Variants in NOCT observed in about 807,000 individuals in gnomAD.
NOCT encodes nocturnin, also known as CCR4 carbon catabolite repression 4-like.
A neutral mutation model predicts 35.0 loss-of-function variants in NOCT; 18 were observed. The ratio of observed to expected loss-of-function variants is 0.51; its 90% CI spans 0.36 to 0.76. NOCT has a LOEUF of 0.76. NOCT is among the 30% of genes least tolerant of loss of function. NOCT has a pLI of 0.01. For synonymous variants in NOCT, 235 were observed against 226.3 expected (o/e 1.04, Z -0.34); for missense variants, 479 against 541.0 (o/e 0.89, Z 1.14).
chr4:139,019,120 A>C (rs1192536856), intron 1 of NOCT, among the ~76,000 whole-genome samples: 1 of 152,072 alleles, frequency 6.6e-6, no homozygotes, highest in East Asian at 1.9e-4. Context: ...TAGTGGCGCC[A>C]CCTCTGCTCA....
intron 1 of NOCT, among the ~76,000 whole-genome samples, chr4:139,027,645 G>A (rs1403676772): frequency 2.6e-5 from 4 of 151,882 alleles, no homozygotes; most frequent in African/African-American, 9.7e-5. Flanking sequence ...GACTACAGGC[G>A]CCCACCACTA....
intron 1 of NOCT, among the ~76,000 whole-genome samples, chr4:139,024,975 AGG>A (rs1377349455): frequency 6.6e-6 from 1 of 152,164 alleles, no homozygotes; most frequent in African/African-American, 2.4e-5. Flanking sequence ...AATGCGTGAG[AGG>A]GAGCAGGCTG....
chr4:139,029,579 G>GTAATACCTTCTTAA (rs1220410910), intron 1 of NOCT, among the ~76,000 whole-genome samples: 2 of 152,220 alleles, frequency 1.3e-5, no homozygotes, highest in Non-Finnish European at 2.9e-5. Context: ...CTGCCAGAAA[G>GTAATACCTTCTTAA]TAATACCTTC....
Position 139,044,970 on chromosome 4 carries a change from G to A in NOCT, c.792G>A (p.Gln264=), listed in dbSNP as rs772522544. 3.7e-5 allele frequency: 59 copies of A among 1,614,062 alleles called. No homozygotes were observed. Among genetic ancestry groups the A allele is most frequent in the Middle Eastern group, 3.3e-4 (2 of 6,082 alleles). The change falls in exon 3 of 3, where the codon CAG becomes CAA. Residue 264 remains glutamine, a synonymous_variant. Transcript: ENST00000280614. ...CAGCCATGACATTGAAAACCAACCAGGTGGCCATTGCACAGACCCTGGAGT... is the reference window on the plus strand; with the variant it reads ...CAGCCATGACATTGAAAACCAACCAAGTGGCCATTGCACAGACCCTGGAGT... ...RLTAMTLKTN[Q]VAIAQTLECK...
At chr4:139,020,501 G>T in intron 1 of NOCT, among the ~76,000 whole-genome samples, 1 of 152,292 alleles carries the variant, frequency 6.6e-6, no homozygotes, top group South Asian at 2.1e-4. Flanking sequence ...GGTGGCGCTC[G>T]CATGCAGGAG....
At chr4:139,033,678 C>CAAAAAAAA (rs761210940) in intron 1 of NOCT, among the ~76,000 whole-genome samples, 1 of 129,384 alleles carries the variant, frequency 7.7e-6, no homozygotes. Context: ...ACCCTGTCTC[C>CAAAAAAAA]AAAAAAAAAA....
In NOCT at chr4:139,045,607, C is replaced by T. The variant is rs2148648543; in HGVS notation, c.*133C>T. 1 of 560,608 alleles carries T rather than the reference C, an allele frequency of 1.8e-6. No individual in the cohort carries two copies. The highest frequency in any genetic ancestry group is 3.0e-6 in the Non-Finnish European group (1 of 330,014). 34.7% of individuals were successfully genotyped at this position (560,608 alleles called of 1,614,324 possible). On this transcript the variant is annotated 3_prime_UTR_variant, in exon 3 of 3. Transcript: ENST00000280614. The stretch of plus-strand genomic sequence containing the variant: ...TCTCGGCTCACTGCAAGATCCGCCT[C>T]CCGGGTTCATGGCATTCTCCTGCCT...
At chr4:139,036,200 T>C (rs1726735637) in intron 1 of NOCT, among the ~76,000 whole-genome samples, 1 of 152,182 alleles carries the variant, frequency 6.6e-6, no homozygotes, top group African/African-American at 2.4e-5. Context: ...CAGTGATGTA[T>C]CTCCAGGGTA....
intron 1 of NOCT, among the ~76,000 whole-genome samples, chr4:139,023,944 A>T (rs1363782583): frequency 6.6e-6 from 1 of 152,060 alleles, no homozygotes; most frequent in Non-Finnish European, 1.5e-5. Flanking sequence ...AGCACATTAA[A>T]AGTTTGTATC....
chr4:139,040,181 C>T (rs1470985449), intron 1 of NOCT, among the ~76,000 whole-genome samples: 9 of 147,434 alleles, frequency 6.1e-5, no homozygotes, highest in Non-Finnish European at 8.9e-5. Flanking sequence ...TACAGGCGCC[C>T]GCCACCATGC....
intron 1 of NOCT, among the ~76,000 whole-genome samples, chr4:139,041,871 A>G (rs1291586404): frequency 6.6e-6 from 1 of 152,168 alleles, no homozygotes; most frequent in African/African-American, 2.4e-5. Flanking sequence ...GTTCTACTAC[A>G]GAAAGCCCAA....
chr4:139,023,332 C>A (rs1225920727), intron 1 of NOCT, among the ~76,000 whole-genome samples: 1 of 152,162 alleles, frequency 6.6e-6, no homozygotes, highest in African/African-American at 2.4e-5. Context: ...GTAAGTTACA[C>A]TGCAGATTCT....
chr4:139,020,476 C>A (rs924918873), intron 1 of NOCT, among the ~76,000 whole-genome samples: 2 of 152,152 alleles, frequency 1.3e-5, no homozygotes, highest in African/African-American at 4.8e-5. Flanking sequence ...ACCACACACA[C>A]AATGCCTGGA....
rs578144880 is a variant in NOCT, at chr4:139,040,994, G to A, written c.191-2080G>A. On this transcript the variant is annotated intron_variant, in intron 1 of 2. Coordinates refer to ENST00000280614, the MANE Select transcript of NOCT (RefSeq NM_012118.4). ...TCTTCCTTTGGACCCATGTACTCAT[G>A]TATTTATCAATTAAAATGAAATTAT... is the stretch of plus-strand genomic sequence containing the variant. 5.9e-5 allele frequency among the ~76,000 whole-genome samples: 9 copies of A among 152,240 alleles called. No individual in the cohort carries two copies. The South Asian group carries it at 1.0e-3, about 18-fold the overall frequency.
intron 1 of NOCT, 124 bp from the exon 2 acceptor site, chr4:139,042,946 TTATA>T (rs1447632940): frequency 1.1e-5 from 9 of 794,698 alleles, no homozygotes; most frequent in Non-Finnish European, 1.6e-5. Flanking sequence ...AGAAATGGCT[TTATA>T]CACTATTATG....
At chr4:139,016,641 GTTTTTTTTTTTTTT>G (rs10541748) in intron 1 of NOCT, among the ~76,000 whole-genome samples, 3 of 53,786 alleles carry the variant, frequency 5.6e-5, no homozygotes, top group African/African-American at 7.6e-5. Flanking sequence ...GTTTTACGTT[GTTTTTTTTTTTTTT>G]TTTTTTTTTT....
At chr4:139,023,906 G>A (rs574555201) in intron 1 of NOCT, among the ~76,000 whole-genome samples, 4 of 152,274 alleles carry the variant, frequency 2.6e-5, no homozygotes, top group Non-Finnish European at 5.9e-5. Flanking sequence ...AGCATCTGAT[G>A]CGCCCATCCA....
At chr4:139,024,162 G>A (rs1726473575) in intron 1 of NOCT, among the ~76,000 whole-genome samples, 1 of 150,616 alleles carries the variant, frequency 6.6e-6, no homozygotes, top group Admixed American at 6.7e-5. Context: ...CTGGGCTGAA[G>A]TGATCCTCCC....
Position 139,044,716 on chromosome 4 carries a change from C to T in NOCT, c.538C>T (p.Leu180=). ...LKWEERKCLI[L]EEILAYQPDI... is the part of the protein sequence containing the mutation. Reference sequence around the variant, plus strand: ...ATGGGAAGAAAGGAAATGTCTCATCCTGGAAGAAATCCTGGCCTACCAGCC... The same window carrying T: ...ATGGGAAGAAAGGAAATGTCTCATCTTGGAAGAAATCCTGGCCTACCAGCC... The change falls in exon 3 of 3, where the codon CTG becomes TTG. Residue 180 remains leucine (L), a synonymous_variant. Coordinates refer to ENST00000280614, the MANE Select transcript of NOCT (RefSeq NM_012118.4). 2 of 1,614,202 alleles carry T rather than the reference C, an allele frequency of 1.2e-6. No homozygotes were observed. Among genetic ancestry groups the T allele is most frequent in the Non-Finnish European group, 1.7e-6 (2 of 1,180,028 alleles).
Sources: gnomAD v4.1 joint callset for allele counts (sites outside exome capture counted in the v4.1 genomes callset) on GRCh38, gnomAD v4.1.1 for gene constraint, MANE v1.5 for transcripts, NCBI Gene and HGNC (gene_info 2026-07-23, HGNC 2026-07-21) for gene names.